The following NRG3 variants were observed in gnomAD, a reference collection of about 807,000 sequenced individuals.
NRG3 encodes neuregulin 3, also known as pro-neuregulin-3, membrane-bound isoform.
Under a neutral mutation model 66.9 loss-of-function variants are expected in NRG3, and 31 were observed. The observed-to-expected ratio is 0.46, with a 90% CI of 0.35 to 0.63. The LOEUF (loss-of-function observed/expected upper bound fraction) is 0.63, where lower values mean the gene tolerates loss of function less well. NRG3 is among the 20% of genes least tolerant of loss of function. NRG3 has a pLI of 0.00. For missense variants in NRG3, 910 were observed against 878.9 expected, an observed-to-expected ratio of 1.04 and a Z score of -0.45; for synonymous variants, 393 against 359.4, an observed-to-expected ratio of 1.09 and a Z score of -1.06.
intron 2 of NRG3, among the ~76,000 whole-genome samples, chr10:82,573,321 G>C (rs574181338): frequency 6.6e-6 from 1 of 151,732 alleles, no homozygotes; most frequent in African/African-American, 2.4e-5. Flanking sequence ...AGATTCTGTT[G>C]GTTTTAATTT....
intron 1 of NRG3, among the ~76,000 whole-genome samples, chr10:82,201,002 C>A (rs986734049): frequency 6.6e-6 from 1 of 151,934 alleles, no homozygotes; most frequent in South Asian, 2.1e-4. Context: ...TAGAGACCAG[C>A]CTGGCCAACA....
intron 1 of NRG3, among the ~76,000 whole-genome samples, chr10:82,036,273 A>G (rs913644454): frequency 6.6e-6 from 1 of 152,136 alleles, no homozygotes; most frequent in African/African-American, 2.4e-5. Flanking sequence ...CTAGATAAAC[A>G]TACTAGCATA....
At chr10:82,191,445 T>C (rs1351772138) in intron 1 of NRG3, among the ~76,000 whole-genome samples, 1 of 152,160 alleles carries the variant, frequency 6.6e-6, no homozygotes, top group Non-Finnish European at 1.5e-5. Context: ...CCTTTCCCAC[T>C]GTTCAGCCAT....
intron 1 of NRG3, among the ~76,000 whole-genome samples, chr10:82,086,479 T>C (rs1291286087): frequency 6.6e-6 from 1 of 152,096 alleles, no homozygotes; most frequent in Admixed American, 6.5e-5. Context: ...CAAATATTGA[T>C]TTTTATTTTC....
chr10:82,138,847 C>G (rs998130031), intron 1 of NRG3, among the ~76,000 whole-genome samples: 1 of 152,058 alleles, frequency 6.6e-6, no homozygotes, highest in Non-Finnish European at 1.5e-5. Context: ...GAAGACTCAG[C>G]AAGTCTGCTC....
At chr10:82,967,243 G>A (rs879523095) in intron 6 of NRG3, among the ~76,000 whole-genome samples, 1 of 150,850 alleles carries the variant, frequency 6.6e-6, no homozygotes, top group Admixed American at 6.6e-5. Flanking sequence ...ATATATTGAA[G>A]GTTGCATATA....
At chr10:82,929,867 C>T (rs1258224444) in intron 4 of NRG3, among the ~76,000 whole-genome samples, 3 of 144,032 alleles carry the variant, frequency 2.1e-5, no homozygotes, top group Non-Finnish European at 4.5e-5. Flanking sequence ...CAGACCGAGA[C>T]TCCATCTCAA....
At chr10:82,138,847 C>A (rs998130031) in intron 1 of NRG3, among the ~76,000 whole-genome samples, 12 of 152,176 alleles carry the variant, frequency 7.9e-5, no homozygotes, top group African/African-American at 2.9e-4. Flanking sequence ...GAAGACTCAG[C>A]AAGTCTGCTC....
At chr10:82,797,230 C>T (rs943007775) in intron 3 of NRG3, among the ~76,000 whole-genome samples, 1 of 152,188 alleles carries the variant, frequency 6.6e-6, no homozygotes, top group Non-Finnish European at 1.5e-5. Context: ...TAATTCATGG[C>T]TCTTCATCAC....
intron 2 of NRG3, among the ~76,000 whole-genome samples, chr10:82,570,352 C>A (rs1403821452): frequency 6.6e-6 from 1 of 151,598 alleles, no homozygotes; most frequent in Non-Finnish European, 1.5e-5. Context: ...CTTGCGAATA[C>A]TTTCCATAGT....
chr10:82,208,239 A>G (rs1483470583), intron 1 of NRG3, among the ~76,000 whole-genome samples: 1 of 152,180 alleles, frequency 6.6e-6, no homozygotes, highest in Non-Finnish European at 1.5e-5. Flanking sequence ...TCAGTTTTGG[A>G]CTATGTAACA....
chr10:82,177,039 C>T (rs1357933037), intron 1 of NRG3, among the ~76,000 whole-genome samples: 1 of 151,864 alleles, frequency 6.6e-6, no homozygotes, highest in Non-Finnish European at 1.5e-5. Flanking sequence ...CCTACCCTTT[C>T]CTTACCTGCG....
intron 1 of NRG3, among the ~76,000 whole-genome samples, chr10:82,103,851 G>T (rs1042308636): frequency 6.6e-6 from 1 of 151,874 alleles, no homozygotes; most frequent in East Asian, 1.9e-4. Context: ...GAAAGACAAG[G>T]TGAGAAAAAA....
intron 1 of NRG3, among the ~76,000 whole-genome samples, chr10:82,083,274 T>C (rs1437502019): frequency 3.3e-5 from 5 of 151,844 alleles, no homozygotes; most frequent in Non-Finnish European, 7.4e-5. Flanking sequence ...GATATAAATA[T>C]ATTTATATTT....
intron 2 of NRG3, among the ~76,000 whole-genome samples, chr10:82,465,676 T>C (rs1175872382): frequency 6.6e-6 from 1 of 151,882 alleles, no homozygotes; most frequent in African/African-American, 2.4e-5. Flanking sequence ...GAACCTGGGC[T>C]CTTAGGGGGT....
intron 2 of NRG3, among the ~76,000 whole-genome samples, chr10:82,398,526 T>TGTGTGAGA (rs373924370): frequency 1.5e-4 from 20 of 136,582 alleles, no homozygotes; most frequent in African/African-American, 4.1e-4. Context: ...TGTGTGTGTG[T>TGTGTGAGA]GAGAGAGAGA....
chr10:82,495,048 C>A (rs1011202753), intron 2 of NRG3, among the ~76,000 whole-genome samples: 9 of 151,964 alleles, frequency 5.9e-5, no homozygotes, highest in African/African-American at 2.2e-4. Context: ...TCAAGCAATT[C>A]TCCTGCCTCA....
chr10:82,676,759 G>A (rs189406616), intron 2 of NRG3, among the ~76,000 whole-genome samples: 1 of 152,202 alleles, frequency 6.6e-6, no homozygotes, highest in East Asian at 1.9e-4. Context: ...CTGGATTACA[G>A]GCCGGAGCCA....
chr10:82,556,162 C>T (rs2044635595), intron 2 of NRG3, among the ~76,000 whole-genome samples: 1 of 152,188 alleles, frequency 6.6e-6, no homozygotes. Context: ...CTTCCTGTCT[C>T]TCAGGCTGTA....
Sources: gnomAD v4.1 joint callset for allele counts (sites outside exome capture counted in the v4.1 genomes callset) on GRCh38, gnomAD v4.1.1 for gene constraint, MANE v1.5 for transcripts, NCBI Gene and HGNC (gene_info 2026-07-23, HGNC 2026-07-21) for gene names.